Variants in MIER1 observed in about 807,000 individuals in gnomAD.
The protein encoded by MIER1 is MIER1 transcriptional regulator, also known as mesoderm induction early response protein 1.
A neutral mutation model predicts 75.7 loss-of-function variants in MIER1; 40 were observed. The observed-to-expected ratio is 0.53, with a 90% confidence interval of 0.41 to 0.69. MIER1 has a LOEUF of 0.69. Among genes scored for constraint, MIER1 ranks in the 30% least tolerant of loss-of-function variants. MIER1 has a pLI of 0.00. For synonymous variants in MIER1, 213 were observed against 223.4 expected (o/e 0.95, Z 0.42); for missense variants, 574 against 680.2 (o/e 0.84, Z 1.74).
In MIER1 at chr1:66,946,015, A is replaced by G; in HGVS notation, c.194-135A>G. ...TCTGTTGTAACTATTAAAAAGCAAT[A>G]CATAATAGTTGCTGTGCGTAGCTTT... On this transcript the variant is annotated intron_variant, in intron 3 of 13. Transcript: ENST00000401041. The G allele has an allele frequency of 4.5e-6, 3 of 666,358 alleles. No individual in the cohort carries two copies. In the South Asian group the frequency reaches 8.0e-5, roughly 18 times the overall value. The allele number at this position is 666,358 out of a possible 1,614,324, so 41.3% of individuals were successfully genotyped here.
chr1:66,928,737 TC>T (rs1221397906), intron 2 of MIER1: 1 of 532,684 alleles, frequency 1.9e-6, no homozygotes, highest in Non-Finnish European at 3.3e-6. Context: ...AAATATTTAT[TC>T]CCCCAAGGAA....
intron 4 of MIER1, chr1:66,947,535 C>T (rs1299589159): frequency 6.6e-6 from 1 of 152,160 alleles, no homozygotes; most frequent in Non-Finnish European, 1.5e-5. Context: ...ACAAGAATAT[C>T]CCTTAGCCGA....
chr1:66,958,320 G>T, intron 5 of MIER1, 100 bp downstream of exon 5: 1 of 439,352 alleles, frequency 2.3e-6, no homozygotes, highest in Admixed American at 5.7e-5. Context: ...ATCTTTTCCT[G>T]ATTTTAAAAG....
rs774696038 is a variant in MIER1, at chr1:66,970,893, A to G, written c.858A>G (p.Arg286=). The change falls in exon 9 of 14, where the codon AGA becomes AGG. Residue 286 remains arginine, a synonymous_variant. Coordinates refer to ENST00000401041, the MANE Select transcript of MIER1 (RefSeq NM_001077700.3). ...KVIIFLKDAS[R]RTGDEKGVEA... is the part of the protein sequence containing the mutation. Reference sequence around the variant, plus strand: ...TTATATTTCTTAAAGATGCATCTAGAAGAACAGGTGATGAGAAGGGTGTAG... The same window carrying G: ...TTATATTTCTTAAAGATGCATCTAGGAGAACAGGTGATGAGAAGGGTGTAG... The G allele has an allele frequency of 1.6e-5, 25 of 1,601,958 alleles. No homozygotes were observed. In the Middle Eastern group the frequency reaches 5.0e-4, roughly 32 times the overall value.
chr1:66,957,308 C>T (rs927160888), intron 4 of MIER1, among the ~76,000 whole-genome samples: 3 of 152,068 alleles, frequency 2.0e-5, no homozygotes, highest in African/African-American at 7.2e-5. Flanking sequence ...AAGTCCCTGC[C>T]CAAGGCACCA....
intron 13 of MIER1, among the ~76,000 whole-genome samples, chr1:66,982,865 G>T (rs1461756590): frequency 6.6e-6 from 1 of 152,170 alleles, no homozygotes; most frequent in African/African-American, 2.4e-5. Context: ...GGTCCAAGAA[G>T]GTTTATTGAC....
Position 66,986,426 on chromosome 1 carries a change from G to A in MIER1, c.*1526G>A, listed in dbSNP as rs1305743854. 11 of 1,612,928 alleles carry A rather than the reference G, an allele frequency of 6.8e-6. No homozygotes were observed. The Admixed American group carries it at 1.8e-4, about 27-fold the overall frequency. On this transcript the variant is annotated 3_prime_UTR_variant, in exon 14 of 14. Coordinates refer to ENST00000401041, the MANE Select transcript of MIER1 (RefSeq NM_001077700.3). The stretch of plus-strand genomic sequence containing the variant: ...AGGCATACTCCAAATGCTTCTTCCA[G>A]TTCATTTTTCAGCCATCAGTTCAAG...
chr1:66,940,707 C>G (rs1305945644), intron 3 of MIER1, among the ~76,000 whole-genome samples: 1 of 152,130 alleles, frequency 6.6e-6, no homozygotes, highest in Non-Finnish European at 1.5e-5. Context: ...CTGTAGTGAT[C>G]TTTAAGAATA....
At chr1:66,953,626 C>T (rs1659482228) in intron 4 of MIER1, among the ~76,000 whole-genome samples, 1 of 146,064 alleles carries the variant, frequency 6.8e-6, no homozygotes, top group Non-Finnish European at 1.5e-5. Flanking sequence ...ATTCTTGAGA[C>T]AGGGTCTCAC....
chr1:66,970,870 A>G lies in MIER1; in HGVS notation c.835A>G (p.Ile279Val), dbSNP rs1445351462. 6.3e-7 allele frequency: 1 copy of G among 1,598,456 alleles called. No homozygotes were observed. The highest frequency in any genetic ancestry group is 8.5e-7 in the Non-Finnish European group (1 of 1,174,776). ...GTACTTACCAGAAGATAAAGTGATT[A>G]TATTTCTTAAAGATGCATCTAGAAG... ...PEYLPEDKVI[I>V]FLKDASRRTG... Residue 279 changes from isoleucine (I) to valine (V), a missense_variant, in exon 9 of 14, where the codon ATA becomes GTA. By Grantham distance (29) the Ile-to-Val change is conservative. Coordinates refer to ENST00000401041, the MANE Select transcript of MIER1 (RefSeq NM_001077700.3).
chr1:66,944,972 C>T (rs533973442), intron 3 of MIER1, among the ~76,000 whole-genome samples: 2 of 152,180 alleles, frequency 1.3e-5, no homozygotes, highest in African/African-American at 2.4e-5. Context: ...GTGATCCTCC[C>T]TTCTTGGCCT....
intron 2 of MIER1, among the ~76,000 whole-genome samples, chr1:66,933,627 G>GT (rs904655494): frequency 7.9e-5 from 12 of 152,038 alleles, no homozygotes; most frequent in African/African-American, 2.7e-4. Flanking sequence ...AGCAAAATGT[G>GT]TTTCACTGCA....
intron 2 of MIER1, chr1:66,930,417 C>A (rs374551539): frequency 1.2e-6 from 2 of 1,605,914 alleles, no homozygotes; most frequent in Non-Finnish European, 1.7e-6. Flanking sequence ...GAGCGAGCTC[C>A]CCCTCCCTGT....
chr1:66,937,312 A>C (rs1036456830), intron 2 of MIER1, among the ~76,000 whole-genome samples: 1 of 152,108 alleles, frequency 6.6e-6, no homozygotes, highest in Non-Finnish European at 1.5e-5. Context: ...TGGGTTGGGC[A>C]TGGTGGCTCA....
At position 66,964,448 on chromosome 1, in the gene MIER1, CTTTTT is replaced by C. The variant is rs71058483; in HGVS notation, c.772+1305_772+1309del. ...CCAGAAAAAATGCTGTGTATGTTTC[CTTTTT>C]TTTTTTTTTTTTTTTTGAGATAGAG... On this transcript the variant is annotated intron_variant, in intron 8 of 13. Coordinates refer to ENST00000401041, the MANE Select transcript of MIER1 (RefSeq NM_001077700.3). Among the ~76,000 whole-genome samples, 459 of 119,692 alleles carry C rather than the reference CTTTTT, an allele frequency of 3.8e-3. 5 individuals carry two copies. The highest frequency in any genetic ancestry group is 0.023 in the South Asian group (87 of 3,762). The allele number at this position is 119,692 out of a possible 152,430, so 78.5% of individuals were successfully genotyped here.
intron 3 of MIER1, among the ~76,000 whole-genome samples, chr1:66,945,915 TTTA>T (rs1180899392): frequency 6.6e-5 from 10 of 152,358 alleles, no homozygotes; most frequent in African/African-American, 2.4e-4. Flanking sequence ...GATATGACCA[TTTA>T]TTATTTACAA....
chr1:66,945,271 A>G (rs12117340), intron 3 of MIER1, among the ~76,000 whole-genome samples: 162 of 964 alleles, frequency 0.17, 2 homozygotes, highest in Middle Eastern at 0.5. Context: ...GTGTGTGTAT[A>G]TATATATATA....
chr1:66,975,757 T>A (rs1664583591), intron 11 of MIER1, among the ~76,000 whole-genome samples: 2 of 152,102 alleles, frequency 1.3e-5, no homozygotes, highest in African/African-American at 2.4e-5. Flanking sequence ...AAGAGTAACT[T>A]AGTAAACAAA....
chr1:66,988,330 C>G lies in MIER1; in HGVS notation c.*3430C>G, dbSNP rs1410798302. 6.6e-6 allele frequency: 1 copy of G among 152,182 alleles called. No homozygotes were observed. Among genetic ancestry groups the G allele is most frequent in the Admixed American group, 6.6e-5 (1 of 15,258 alleles). 9.4% of individuals were successfully genotyped at this position (152,182 alleles called of 1,614,324 possible). A position where few individuals can be genotyped will look rare whatever the true frequency, so the allele number is the denominator to read the frequency against. On this transcript the variant is annotated 3_prime_UTR_variant, in exon 14 of 14. Coordinates refer to ENST00000401041, the MANE Select transcript of MIER1 (RefSeq NM_001077700.3). ...CAACTTTTTACCGTAAAAATTAACT[C>G]TCTTCTTTAATATCAAGTTCATCCT...
Sources: gnomAD v4.1 joint callset for allele counts (sites outside exome capture counted in the v4.1 genomes callset) on GRCh38, gnomAD v4.1.1 for gene constraint, MANE v1.5 for transcripts, NCBI Gene and HGNC (gene_info 2026-07-23, HGNC 2026-07-21) for gene names.